The following BNC2 variants were observed in gnomAD, a reference collection of about 807,000 sequenced individuals.
The protein encoded by BNC2 is basonuclin zinc finger protein 2, also known as zinc finger protein basonuclin-2.
In BNC2, 20 loss-of-function variants were observed where a neutral mutation model predicts 76.3. That is an observed-to-expected ratio of 0.26 (90% CI 0.18 to 0.38). The LOEUF is 0.38. BNC2 is among the 10% of genes least tolerant of loss of function. The probability of loss-of-function intolerance (pLI) is 1.00; values close to 1 mark genes in which losing one functional copy is unlikely to be tolerated. For synonymous variants in BNC2, 582 were observed against 514.8 expected (o/e 1.13, Z -1.77); for missense variants, 1,382 against 1,399.8 (o/e 0.99, Z 0.20).
chr9:16,531,706 G>C (rs1355157085), intron 5 of BNC2, among the ~76,000 whole-genome samples: 2 of 151,908 alleles, frequency 1.3e-5, no homozygotes, highest in Non-Finnish European at 2.9e-5. Context: ...ATACTCAAAG[G>C]GTTATACACA....
chr9:16,823,200 ACT>A (rs960341549), intron 1 of BNC2, among the ~76,000 whole-genome samples: 1 of 152,182 alleles, frequency 6.6e-6, no homozygotes, highest in African/African-American at 2.4e-5. Context: ...CTCTTATTAA[ACT>A]CTCTTCAGTG....
chr9:16,512,307 C>A (rs567468870), intron 5 of BNC2, among the ~76,000 whole-genome samples: 14 of 152,160 alleles, frequency 9.2e-5, no homozygotes, highest in African/African-American at 3.4e-4. Context: ...AAATTCTGAG[C>A]AATTTAAAAA....
chr9:16,461,691 G>C (rs1821586006), intron 5 of BNC2, among the ~76,000 whole-genome samples: 1 of 152,148 alleles, frequency 6.6e-6, no homozygotes, highest in Non-Finnish European at 1.5e-5. Flanking sequence ...TGCATCACCA[G>C]GGACTGCTCG....
intron 1 of BNC2, among the ~76,000 whole-genome samples, chr9:16,787,288 T>C (rs1826321911): frequency 6.6e-6 from 1 of 152,198 alleles, no homozygotes; most frequent in African/African-American, 2.4e-5. Flanking sequence ...CAGAGCCCTC[T>C]CTAGACTTTA....
chr9:16,509,331 T>C (rs1822701597), intron 5 of BNC2, among the ~76,000 whole-genome samples: 1 of 152,168 alleles, frequency 6.6e-6, no homozygotes, highest in Admixed American at 6.5e-5. Context: ...TGTTGGTAAA[T>C]GTACTACAAT....
chr9:16,814,636 C>T (rs1818137154), intron 1 of BNC2, among the ~76,000 whole-genome samples: 1 of 152,178 alleles, frequency 6.6e-6, no homozygotes, highest in Admixed American at 6.5e-5. Flanking sequence ...ATGACCACCA[C>T]TAAATGGCAA....
intron 1 of BNC2, among the ~76,000 whole-genome samples, chr9:16,772,280 A>G (rs533438064): frequency 1.3e-5 from 2 of 152,320 alleles, no homozygotes; most frequent in African/African-American, 4.8e-5. Context: ...AGCCAGTATC[A>G]GAGTTGATAC....
intron 3 of BNC2, among the ~76,000 whole-genome samples, chr9:16,647,809 G>T (rs562689216): frequency 5.8e-4 from 89 of 152,140 alleles, no homozygotes; most frequent in African/African-American, 2.1e-3. Context: ...TTTAATAAAG[G>T]TATCTTATAC....
intron 3 of BNC2, among the ~76,000 whole-genome samples, chr9:16,714,966 A>C (rs961140934): frequency 2.0e-5 from 3 of 152,234 alleles, no homozygotes; most frequent in Admixed American, 6.5e-5. Flanking sequence ...TGAAGCAGGT[A>C]TAAAATATTG....
At chr9:16,748,001 G>C (rs10738458) in intron 1 of BNC2, among the ~76,000 whole-genome samples, 130,741 of 151,972 alleles carry the variant, frequency 0.86, 56,631 homozygotes, top group Non-Finnish European at 0.91. Flanking sequence ...ATATTAAGTA[G>C]TCATTAAGAA....
At chr9:16,738,558 C>CTTTT (rs4007684) in intron 1 of BNC2, 73 bp from the exon 2 acceptor site, 1,404,624 of 1,552,954 alleles carry the variant, frequency 0.9, 637,110 homozygotes, top group Non-Finnish European at 0.91. Flanking sequence ...TACATCAAAA[C>CTTTT]TTTAAGAAAT....
intron 6 of BNC2, among the ~76,000 whole-genome samples, chr9:16,426,447 G>T (rs1239376238): frequency 6.6e-6 from 1 of 151,658 alleles, no homozygotes; most frequent in Non-Finnish European, 1.5e-5. Flanking sequence ...TTACAGGTGT[G>T]AGCCACCACA....
In BNC2 at chr9:16,861,181, A is replaced by AATATATATATATATATATATATAT. The variant is rs71327866; in HGVS notation, c.3+9464_3+9465insATATATATATATATATATATATAT. On this transcript the variant is annotated intron_variant, in intron 1 of 6. Transcript: ENST00000380672. ...ACATGGTAATACCCTATCTCTACAA[A>AATATATATATATATATATATATAT]ATATATATATATATATATATAAATT... Among the ~76,000 whole-genome samples the AATATATATATATATATATATATAT allele has an allele frequency of 3.6e-3, 473 of 131,638 alleles. 15 individuals carry two copies. Among genetic ancestry groups the AATATATATATATATATATATATAT allele is most frequent in the African/African-American group, 9.5e-3 (303 of 32,036 alleles). 86.4% of individuals were successfully genotyped at this position (131,638 alleles called of 152,430 possible).
At position 16,436,209 on chromosome 9, in the gene BNC2, T is replaced by A; in HGVS notation, c.1985A>T (p.Asp662Val). ...EFDDEDDDPN[D>V]GGAVVNDMSH... ...CATGTCATTGACCACAGCTCCACCA[T>A]CATTGGGGTCATCATCTTCATCATC... Residue 662 changes from aspartate to valine, a missense_variant, in exon 6 of 7, where the codon GAT (aspartate) becomes GTT (valine). Asp to Val is a radical substitution (Grantham distance 152, BLOSUM62 -3). Around this residue, in one of 3 missense-constraint regions of BNC2, gnomAD observed 798 missense variants for 775.5 expected, o/e 1.03. Coordinates refer to ENST00000380672, the MANE Select transcript of BNC2 (RefSeq NM_017637.6). The A allele has an allele frequency of 1.2e-6, 2 of 1,614,074 alleles. No homozygotes were observed. Among genetic ancestry groups the A allele is most frequent in the Non-Finnish European group, 1.7e-6 (2 of 1,180,008 alleles).
At chr9:16,852,940 T>A (rs979317426) in intron 1 of BNC2, among the ~76,000 whole-genome samples, 2 of 152,106 alleles carry the variant, frequency 1.3e-5, no homozygotes, top group Non-Finnish European at 2.9e-5. Flanking sequence ...GCGTCAGAGT[T>A]GGGCTGGGTC....
chr9:16,452,536 A>G (rs926725251), intron 5 of BNC2, among the ~76,000 whole-genome samples: 5 of 152,228 alleles, frequency 3.3e-5, no homozygotes, highest in African/African-American at 7.2e-5. Context: ...AATTCTCCCA[A>G]GTAGCTGGGA....
chr9:16,712,039 C>G (rs1823867041), intron 3 of BNC2, among the ~76,000 whole-genome samples: 1 of 152,170 alleles, frequency 6.6e-6, no homozygotes, highest in South Asian at 2.1e-4. Flanking sequence ...AATACCTTAG[C>G]ACTTTGGATC....
chr9:16,788,220 A>G (rs565286318), intron 1 of BNC2, among the ~76,000 whole-genome samples: 3 of 152,258 alleles, frequency 2.0e-5, no homozygotes, highest in Admixed American at 2.0e-4. Context: ...ACAATGGGTA[A>G]CCACAGATGA....
At chr9:16,593,708 T>C (rs898006805) in intron 3 of BNC2, among the ~76,000 whole-genome samples, 1 of 152,100 alleles carries the variant, frequency 6.6e-6, no homozygotes, top group African/African-American at 2.4e-5. Flanking sequence ...CCTGTATACT[T>C]ACAAATTTTA....
Sources: gnomAD v4.1 joint callset for allele counts (sites outside exome capture counted in the v4.1 genomes callset) on GRCh38, gnomAD v4.1.1 for gene constraint, gnomAD v4.1.1 regional missense constraint, MANE v1.5 for transcripts, NCBI Gene and HGNC (gene_info 2026-07-23, HGNC 2026-07-21) for gene names.